FRMPD4: variants seen among roughly 807,000 people sequenced by gnomAD.
FRMPD4 encodes FERM and PDZ domain containing 4.
FRMPD4 carries 22 observed loss-of-function variants against 94.1 expected under a neutral mutation model. The observed-to-expected ratio is 0.23, with a 90% confidence interval of 0.17 to 0.33. The LOEUF is 0.33. Ranked by LOEUF, FRMPD4 falls within the 10% of genes least tolerant of loss-of-function variation. The pLI, the probability that FRMPD4 is intolerant of heterozygous loss-of-function variation, is 1.00. For synonymous variants in FRMPD4, 631 were observed against 548.6 expected (o/e 1.15, Z -2.10); for missense variants, 1,111 against 1,339.9 (o/e 0.83, Z 2.67).
upstream of FRMPD4, among the ~76,000 whole-genome samples, chrX:12,137,586 T>C (rs1459729158): frequency 1.8e-5 from 2 of 111,243 alleles, no homozygotes; most frequent in Admixed American, 1.9e-4. Context: ...TTTTAAAGGA[T>C]TGTGGAGAAG....
chrX:12,646,651 T>C (rs2059550243), intron 4 of FRMPD4, among the ~76,000 whole-genome samples: 1 of 112,077 alleles, frequency 8.9e-6, no homozygotes, highest in Admixed American at 9.4e-5. Context: ...AATTTTTACC[T>C]GCAGTAAGAA....
intron 1 of FRMPD4, among the ~76,000 whole-genome samples, chrX:12,458,401 TAA>T (rs2057357244): frequency 8.9e-6 from 1 of 111,987 alleles, no homozygotes; most frequent in Admixed American, 9.5e-5. Flanking sequence ...TCATGGAGTT[TAA>T]GTCAGTAATC....
chrX:12,155,813 CTG>C (rs2055927407), intron 1 of FRMPD4, among the ~76,000 whole-genome samples: 1 of 111,004 alleles, frequency 9.0e-6, no homozygotes, highest in South Asian at 3.8e-4. Flanking sequence ...CATCAGCAAA[CTG>C]TGATCTGCAA....
intron 2 of FRMPD4, among the ~76,000 whole-genome samples, chrX:12,594,766 T>C (rs1018632767): frequency 1.8e-5 from 2 of 111,905 alleles, no homozygotes; most frequent in Non-Finnish European, 3.8e-5. Context: ...TAGTTTATTC[T>C]TTCCCTGGGA....
intron 1 of FRMPD4, among the ~76,000 whole-genome samples, chrX:12,293,473 C>A (rs963444803): frequency 6.2e-5 from 7 of 112,408 alleles, no homozygotes; most frequent in Non-Finnish European, 1.3e-4. Flanking sequence ...TTAATTTATT[C>A]TTTGCTTTTC....
At chrX:12,066,854 C>T (rs1382269408) in intron 3 of FRMPD4, among the ~76,000 whole-genome samples, 1 of 104,532 alleles carries the variant, frequency 9.6e-6, no homozygotes, top group African/African-American at 3.4e-5. Context: ...GCAGCAGTCC[C>T]CAAGTTTTTT....
intron 2 of FRMPD4, among the ~76,000 whole-genome samples, chrX:12,553,358 A>G (rs1027110012): frequency 8.8e-5 from 9 of 102,577 alleles, no homozygotes; most frequent in African/African-American, 3.3e-4. Context: ...AGCAATGTAC[A>G]TTTGGGTTGT....
intron 1 of FRMPD4, among the ~76,000 whole-genome samples, chrX:12,165,536 CT>C (rs2056101912): frequency 8.9e-6 from 1 of 111,779 alleles, no homozygotes; most frequent in South Asian, 3.7e-4. Flanking sequence ...AATGTAGGCT[CT>C]TTTTTGGTTC....
intron 3 of FRMPD4, among the ~76,000 whole-genome samples, chrX:12,118,136 C>A (rs1170229276): frequency 8.9e-6 from 1 of 111,869 alleles, no homozygotes; most frequent in Admixed American, 9.5e-5. Context: ...CTTAGTACTA[C>A]ATCAAAATCT....
At chrX:12,330,894 C>A (rs2055360273) in intron 1 of FRMPD4, among the ~76,000 whole-genome samples, 1 of 111,893 alleles carries the variant, frequency 8.9e-6, no homozygotes, top group African/African-American at 3.3e-5. Flanking sequence ...CTATTCCCTG[C>A]AGAAGGAGCT....
rs375405752 is a variant in FRMPD4, at chrX:12,717,631, G to A, written c.2805G>A (p.Met935Ile). 4.1e-6 allele frequency: 5 copies of A among 1,208,804 alleles called. No individual in the cohort carries two copies. Among genetic ancestry groups the A allele is most frequent in the South Asian group, 1.8e-5 (1 of 56,783 alleles). ...AACAGTCAGAAAACCTCTCCCGCATGTTCTTGGCCACTCACGAAGGCTACC... is the reference window on the plus strand; with the variant it reads ...AACAGTCAGAAAACCTCTCCCGCATATTCTTGGCCACTCACGAAGGCTACC... ...AQKQSENLSRMFLATHEGYHP... is the reference protein window; with the variant it reads ...AQKQSENLSRIFLATHEGYHP... Residue 935 changes from methionine to isoleucine, a missense_variant, in exon 16 of 17, where the codon ATG becomes ATA. Met to Ile is a conservative substitution (Grantham distance 10). Transcript: ENST00000675598.
chrX:12,224,658 T>C lies in FRMPD4; in HGVS notation c.41+85646T>C, dbSNP rs1180624823. On this transcript the variant is annotated intron_variant, in intron 1 of 16. Coordinates refer to ENST00000675598, the MANE Select transcript of FRMPD4 (RefSeq NM_001368397.1). ...ACCATCCTAACAGCACTATTTTCCT[T>C]TCTTGTCTTTATCCACAAGTCTCTC... Among the ~76,000 whole-genome samples, 4 of 111,732 alleles carry C rather than the reference T, an allele frequency of 3.6e-5. No homozygotes were observed. In the East Asian group the frequency reaches 1.1e-3, roughly 31 times the overall value.
intron 1 of FRMPD4, among the ~76,000 whole-genome samples, chrX:11,835,340 G>T (rs935005214): frequency 8.9e-6 from 1 of 112,009 alleles, no homozygotes; most frequent in African/African-American, 3.2e-5. Context: ...TAGCTCAAAC[G>T]CATTTTTCTA....
chrX:12,441,705 G>T (rs2057138842), intron 1 of FRMPD4, among the ~76,000 whole-genome samples: 3 of 112,340 alleles, frequency 2.7e-5, no homozygotes, highest in Admixed American at 1.9e-4. Flanking sequence ...GGGAATAAAT[G>T]AATGGTGTAG....
At chrX:12,190,063 A>G (rs1281532793) in intron 1 of FRMPD4, among the ~76,000 whole-genome samples, 1 of 111,734 alleles carries the variant, frequency 8.9e-6, no homozygotes, top group Non-Finnish European at 1.9e-5. Context: ...TTTCCTATAT[A>G]CCAGCAATGA....
At chrX:12,070,064 A>AT (rs770886186) in intron 3 of FRMPD4, among the ~76,000 whole-genome samples, 2 of 111,376 alleles carry the variant, frequency 1.8e-5, no homozygotes, top group African/African-American at 6.5e-5. Flanking sequence ...AGGCTTTTGA[A>AT]TTTTTTATAT....
At position 12,716,710 on chromosome X, in the gene FRMPD4, G is replaced by A. The variant is rs1602370585; in HGVS notation, c.2251G>A (p.Glu751Lys). Reference protein sequence around the residue: ...YAENTDDAEDEDEVSCEEDLV... With the variant: ...YAENTDDAEDKDEVSCEEDLV... ...AGAAAACACTGATGACGCGGAGGAC[G>A]AGGACGAGGTGAGCTGCGAGGAGGA... Residue 751 changes from glutamate to lysine, a missense_variant, in exon 15 of 17, where the codon GAG (glutamate) becomes AAG (lysine). By Grantham distance (56) the Glu-to-Lys change is moderately conservative. Transcript: ENST00000675598. 2 of 1,211,731 alleles carry A rather than the reference G, an allele frequency of 1.7e-6. No homozygotes were observed. Among genetic ancestry groups the A allele is most frequent in the Admixed American group, 2.2e-5 (1 of 46,100 alleles).
At chrX:12,311,618 A>C (rs1325295951) in intron 1 of FRMPD4, among the ~76,000 whole-genome samples, 3 of 110,406 alleles carry the variant, frequency 2.7e-5, no homozygotes, top group African/African-American at 6.6e-5. Context: ...TTCTATTTTA[A>C]TTTGCCTTAA....
chrX:12,336,764 C>T (rs1393056056), intron 1 of FRMPD4, among the ~76,000 whole-genome samples: 2 of 111,734 alleles, frequency 1.8e-5, no homozygotes, highest in Admixed American at 1.9e-4. Context: ...AAGGTCACAC[C>T]GCTGGTTCAG....
Sources: gnomAD v4.1 joint callset for allele counts (sites outside exome capture counted in the v4.1 genomes callset) on GRCh38, gnomAD v4.1.1 for gene constraint, MANE v1.5 for transcripts, NCBI Gene and HGNC (gene_info 2026-07-23, HGNC 2026-07-21) for gene names.